The following CEP128 variants were observed in gnomAD, a reference collection of about 807,000 sequenced individuals.
The protein encoded by CEP128 is centrosomal protein 128kDa.
In CEP128, 132 loss-of-function variants were observed where a neutral mutation model predicts 156.7. The observed-to-expected ratio is 0.84, with a 90% CI of 0.73 to 0.97. The LOEUF (loss-of-function observed/expected upper bound fraction) is 0.97. Ranked by LOEUF, CEP128 falls within the 50% of genes least tolerant of loss-of-function variation. The probability of loss-of-function intolerance (pLI) is 0.00; values close to 1 mark genes in which losing one functional copy is unlikely to be tolerated. For missense variants in CEP128, 1,252 were observed against 1,281.9 expected, an observed-to-expected ratio of 0.98 and a Z score of 0.36; for synonymous variants, 469 against 448.9, an observed-to-expected ratio of 1.04 and a Z score of -0.57.
At chr14:80,637,001 G>A (rs1020029712) in intron 19 of CEP128, among the ~76,000 whole-genome samples, 4 of 151,686 alleles carry the variant, frequency 2.6e-5, no homozygotes, top group African/African-American at 4.8e-5. Context: ...CAGGAGAATC[G>A]CTTGAACCCA....
chr14:80,648,039 T>C (rs1894738279), intron 19 of CEP128, among the ~76,000 whole-genome samples: 1 of 152,148 alleles, frequency 6.6e-6, no homozygotes, highest in South Asian at 2.1e-4. Flanking sequence ...CACATTGTCA[T>C]AACCAGTTCA....
intron 19 of CEP128, among the ~76,000 whole-genome samples, chr14:80,585,797 T>G (rs1421833822): frequency 6.6e-6 from 1 of 152,218 alleles, no homozygotes; most frequent in Non-Finnish European, 1.5e-5. Flanking sequence ...CTCAAAATAA[T>G]TCAATATTTT....
Position 80,785,374 on chromosome 14 carries a change from C to T in CEP128, c.1732G>A (p.Glu578Lys), listed in dbSNP as rs898964651. The change falls in exon 15 of 25, where the codon GAA becomes AAA. Residue 578 changes from glutamate to lysine, a missense_variant. Glu to Lys is a moderately conservative substitution (Grantham distance 56). Transcript: ENST00000555265. ...RDIKSHQADL[E>K]LEVKNSLDTI... ...TCCAGGGAATTCTTAACTTCCAATT[C>T]AAGGTCAGCTTGATGAGACTTAATA... 1.2e-6 allele frequency: 2 copies of T among 1,614,038 alleles called. No individual in the cohort carries two copies. The highest frequency in any genetic ancestry group is 2.7e-5 in the African/African-American group (2 of 74,928).
intron 19 of CEP128, among the ~76,000 whole-genome samples, chr14:80,698,716 G>C (rs1378717221): frequency 6.6e-6 from 1 of 151,778 alleles, no homozygotes; most frequent in African/African-American, 2.4e-5. Flanking sequence ...TATAATAAAG[G>C]TGATTTCTAA....
intron 19 of CEP128, among the ~76,000 whole-genome samples, chr14:80,716,714 G>A (rs901439477): frequency 1.3e-5 from 2 of 152,186 alleles, no homozygotes; most frequent in Non-Finnish European, 2.9e-5. Flanking sequence ...GTACATGCGT[G>A]TACGGGTTTT....
intron 19 of CEP128, among the ~76,000 whole-genome samples, chr14:80,590,703 T>C (rs1047191593): frequency 6.6e-6 from 1 of 152,042 alleles, no homozygotes; most frequent in Non-Finnish European, 1.5e-5. Flanking sequence ...TAGATATCTT[T>C]TGAATTTTCT....
intron 19 of CEP128, among the ~76,000 whole-genome samples, chr14:80,591,693 C>G (rs1892078035): frequency 1.3e-5 from 2 of 152,310 alleles, no homozygotes; most frequent in East Asian, 3.9e-4. Context: ...TCCAAGTCAA[C>G]AGAATGTACA....
At chr14:80,806,907 T>C (rs1335662011) in intron 13 of CEP128, among the ~76,000 whole-genome samples, 2 of 152,086 alleles carry the variant, frequency 1.3e-5, no homozygotes, top group Non-Finnish European at 2.9e-5. Flanking sequence ...AGCATTATGG[T>C]TTATTTGAAA....
downstream of CEP128, among the ~76,000 whole-genome samples, chr14:80,495,527 C>A (rs1246614824): frequency 2.0e-5 from 3 of 147,606 alleles, no homozygotes; most frequent in African/African-American, 5.0e-5. Context: ...GATATAATGG[C>A]TTTTTTTTTT....
exon 15 of CEP128, chr14:80,477,482 A>C (rs895149914): frequency 1.3e-5 from 2 of 152,214 alleles, no homozygotes; most frequent in African/African-American, 4.8e-5. Context: ...ATTATGAACA[A>C]AGTCTTAAAA....
chr14:80,915,292 G>C (rs1232692624), intron 3 of CEP128, among the ~76,000 whole-genome samples: 1 of 152,106 alleles, frequency 6.6e-6, no homozygotes, highest in African/African-American at 2.4e-5. Context: ...AAAGTGCTAG[G>C]ATTACAGGCA....
At chr14:80,623,202 C>T (rs1377371390) in intron 19 of CEP128, among the ~76,000 whole-genome samples, 3 of 151,226 alleles carry the variant, frequency 2.0e-5, no homozygotes, top group Admixed American at 6.6e-5. Context: ...AGTAAACTGT[C>T]GCAAGGACAA....
chr14:80,647,084 T>C (rs796331125), intron 19 of CEP128, among the ~76,000 whole-genome samples: 1,020 of 63,022 alleles, frequency 0.016, 116 homozygotes, highest in Middle Eastern at 0.039. Flanking sequence ...TATATATATA[T>C]ATACACCCTT....
intron 21 of CEP128, among the ~76,000 whole-genome samples, chr14:80,543,895 C>T (rs1357627490): frequency 6.6e-6 from 1 of 152,180 alleles, no homozygotes; most frequent in African/African-American, 2.4e-5. Context: ...TTACCAGACA[C>T]ATTAGTAACT....
chr14:80,858,100 C>T (rs1887298750), intron 9 of CEP128, among the ~76,000 whole-genome samples: 1 of 151,910 alleles, frequency 6.6e-6, no homozygotes, highest in Admixed American at 6.6e-5. Context: ...CAGTCCTAAG[C>T]CAAAAGAACA....
chr14:80,484,045 C>T (rs1887108046), intron 14 of CEP128, among the ~76,000 whole-genome samples: 1 of 152,090 alleles, frequency 6.6e-6, no homozygotes, highest in South Asian at 2.1e-4. Context: ...GGCACAATCA[C>T]AGCTCACTGC....
At chr14:80,799,185 C>G in intron 13 of CEP128, among the ~76,000 whole-genome samples, 1 of 152,218 alleles carries the variant, frequency 6.6e-6, no homozygotes, top group East Asian at 1.9e-4. Context: ...ACGTTGTTGC[C>G]GGAAGTCAGG....
downstream of CEP128, among the ~76,000 whole-genome samples, chr14:80,485,754 C>T (rs6574580): frequency 0.48 from 72,998 of 151,600 alleles, 18,575 homozygotes; most frequent in East Asian, 0.69. Flanking sequence ...AATGTTTTCT[C>T]GAGTGGAAGG....
In CEP128 at chr14:80,745,386, A is replaced by G. The variant is rs537358996; in HGVS notation, c.2614-2119T>C. Among the ~76,000 whole-genome samples the G allele has an allele frequency of 2.0e-5, 3 of 152,302 alleles. No homozygotes were observed. The East Asian group carries it at 5.8e-4, about 29-fold the overall frequency. ...ACCCAGTCTCAGGTAGTTCTTTGTA[A>G]CAGTGTGAGAACAAACTAATACAAT... On this transcript the variant is annotated intron_variant, in intron 18 of 24. Coordinates refer to ENST00000555265, the MANE Select transcript of CEP128 (RefSeq NM_152446.5).
Sources: allele counts gnomAD v4.1 joint callset (sites outside exome capture counted in the v4.1 genomes callset), GRCh38; gene constraint gnomAD v4.1.1; transcripts MANE v1.5; gene names NCBI Gene and HGNC (gene_info 2026-07-23, HGNC 2026-07-21).